The following TLN2 variants were observed in gnomAD, a reference collection of about 807,000 sequenced individuals.
TLN2 encodes the protein talin-2.
A neutral mutation model predicts 294.7 loss-of-function variants in TLN2; 118 were observed. The observed-to-expected ratio is 0.40, with a 90% CI of 0.34 to 0.47. The LOEUF (loss-of-function observed/expected upper bound fraction) is 0.47. TLN2 is among the 20% of genes least tolerant of loss of function. The pLI is 0.84. For synonymous variants in TLN2, 1,431 were observed against 1,304.5 expected, an observed-to-expected ratio of 1.10 and a Z score of -2.09; for missense variants, 3,083 against 3,282.2, an observed-to-expected ratio of 0.94 and a Z score of 1.48.
At chr15:62,534,662 T>G (rs2041236606) in intron 1 of TLN2, among the ~76,000 whole-genome samples, 1 of 152,150 alleles carries the variant, frequency 6.6e-6, no homozygotes, top group Non-Finnish European at 1.5e-5. Context: ...TCCCCTCCTC[T>G]GAGGTTGGGA....
intron 1 of TLN2, among the ~76,000 whole-genome samples, chr15:62,580,845 C>CT (rs2044908114): frequency 1.3e-5 from 1 of 75,806 alleles, no homozygotes; most frequent in Non-Finnish European, 3.4e-5. Flanking sequence ...TTCCTGCCTT[C>CT]GCCCCGCCCC....
intron 11 of TLN2, among the ~76,000 whole-genome samples, chr15:62,678,694 G>T (rs2056497276): frequency 6.6e-6 from 1 of 152,168 alleles, no homozygotes; most frequent in African/African-American, 2.4e-5. Context: ...AGCTAGATGT[G>T]GTGGTGCACA....
At chr15:62,522,941 T>TACACACACACACAC (rs71129007) in intron 1 of TLN2, among the ~76,000 whole-genome samples, 49 of 133,078 alleles carry the variant, frequency 3.7e-4, no homozygotes, top group Admixed American at 1.2e-3. Context: ...GAATGTGGCT[T>TACACACACACACAC]ACACACACAC....
chr15:62,631,756 G>GT (rs2049925359), intron 3 of TLN2, among the ~76,000 whole-genome samples: 3 of 86,714 alleles, frequency 3.5e-5, no homozygotes, highest in East Asian at 4.4e-4. Flanking sequence ...TTTTCTTTTT[G>GT]TTTTTTGGTA....
chr15:62,813,876 A>G (rs1478041619), intron 52 of TLN2, among the ~76,000 whole-genome samples: 2 of 150,976 alleles, frequency 1.3e-5, no homozygotes, highest in African/African-American at 2.4e-5. Context: ...GTGCAATGGC[A>G]TGATCTTGGC....
intron 1 of TLN2, among the ~76,000 whole-genome samples, chr15:62,543,678 C>G (rs1317801204): frequency 1.3e-5 from 2 of 151,370 alleles, no homozygotes; most frequent in African/African-American, 4.9e-5. Context: ...TTGCTTGAAC[C>G]CAGGAGGCGG....
At chr15:62,640,876 A>G (rs1169612190) in intron 3 of TLN2, among the ~76,000 whole-genome samples, 2 of 152,082 alleles carry the variant, frequency 1.3e-5, no homozygotes, top group Admixed American at 1.3e-4. Context: ...ATCTTGGCTC[A>G]CTGCAACCAC....
intron 18 of TLN2, among the ~76,000 whole-genome samples, chr15:62,702,452 G>A (rs1375737137): frequency 1.3e-5 from 2 of 152,164 alleles, no homozygotes; most frequent in Admixed American, 6.5e-5. Flanking sequence ...TAACACACAT[G>A]ACTAATACGC....
intron 2 of TLN2, among the ~76,000 whole-genome samples, chr15:62,598,284 G>A (rs1490373303): frequency 6.6e-6 from 1 of 152,138 alleles, no homozygotes; most frequent in Non-Finnish European, 1.5e-5. Context: ...GTGGTGGTCG[G>A]CTGTGTTTTA....
At chr15:62,686,612 G>A (rs2057314565) in intron 11 of TLN2, 29 bp from the exon 12 acceptor site, 3 of 1,596,760 alleles carry the variant, frequency 1.9e-6, no homozygotes, top group Non-Finnish European at 2.6e-6. Context: ...CAGAAGAAGA[G>A]CACTGACTCT....
intron 1 of TLN2, among the ~76,000 whole-genome samples, chr15:62,575,822 AG>A (rs2044344548): frequency 6.6e-6 from 1 of 152,244 alleles, no homozygotes; most frequent in South Asian, 2.1e-4. Flanking sequence ...AAAGCAAGTG[AG>A]TGGCTATTCT....
rs1224242992 is a variant in TLN2 at position 62,702,765 on chromosome 15, G to A, written c.1906-1G>A. The A allele has an allele frequency of 6.2e-7, 1 of 1,614,118 alleles. No homozygotes were observed. The highest frequency in any genetic ancestry group is 1.1e-5 in the South Asian group (1 of 91,076). ...AATTAAGGTGTGTTGTTTGTTCACA[G>A]CCTCGACAGACAGTTTTGACTGCTG... On this transcript the variant is annotated splice_acceptor_variant, in intron 18 of 58. Transcript: ENST00000636159. LOFTEE classifies it high-confidence loss of function.
At chr15:62,649,012 T>A (rs2052265685) in intron 4 of TLN2, among the ~76,000 whole-genome samples, 1 of 152,094 alleles carries the variant, frequency 6.6e-6, no homozygotes, top group African/African-American at 2.4e-5. Context: ...CACACCCGGC[T>A]AATTTTTGTA....
At chr15:62,641,571 C>T (rs953154609) in intron 3 of TLN2, among the ~76,000 whole-genome samples, 2 of 152,008 alleles carry the variant, frequency 1.3e-5, no homozygotes, top group Non-Finnish European at 2.9e-5. Flanking sequence ...TGCAGTGACC[C>T]GAGATTGCGC....
At chr15:62,523,456 C>G (rs2140478171) in intron 1 of TLN2, among the ~76,000 whole-genome samples, 1 of 152,342 alleles carries the variant, frequency 6.6e-6, no homozygotes, top group East Asian at 1.9e-4. Flanking sequence ...TGTCCTTAGA[C>G]AAGTCCAGGA....
chr15:62,791,639 G>C (rs1019125970), intron 45 of TLN2, among the ~76,000 whole-genome samples: 1 of 152,162 alleles, frequency 6.6e-6, no homozygotes, highest in East Asian at 1.9e-4. Context: ...CACAATACCT[G>C]AGATCTTTTC....
intron 19 of TLN2, among the ~76,000 whole-genome samples, chr15:62,706,280 G>A (rs1348359494): frequency 3.9e-5 from 6 of 152,350 alleles, no homozygotes; most frequent in Non-Finnish European, 8.8e-5. Context: ...TCTTCTTCAG[G>A]TCAGACAGAT....
intron 1 of TLN2, among the ~76,000 whole-genome samples, chr15:62,461,952 C>G (rs1038321263): frequency 3.9e-5 from 6 of 152,182 alleles, no homozygotes; most frequent in African/African-American, 1.2e-4. Context: ...GTACTTTTAA[C>G]TAGGCTGGGC....
chr15:62,660,282 G>T lies in TLN2; in HGVS notation c.788+2384G>T, dbSNP rs1045334308. 2.0e-5 allele frequency among the ~76,000 whole-genome samples: 3 copies of T among 152,146 alleles called. No individual in the cohort carries two copies. The East Asian group carries it at 5.8e-4, about 29-fold the overall frequency. On this transcript the variant is annotated intron_variant, in intron 9 of 58. Coordinates refer to ENST00000636159, the MANE Select transcript of TLN2 (RefSeq NM_015059.3). ...TCTTCAGACTCTCCAGTGATTTCTG[G>T]ATTTGTTACTTTAGTGAAGGTACTC...
Sources: gnomAD v4.1 joint callset for allele counts (sites outside exome capture counted in the v4.1 genomes callset) on GRCh38, gnomAD v4.1.1 for gene constraint, MANE v1.5 for transcripts, NCBI Gene and HGNC (gene_info 2026-07-23, HGNC 2026-07-21) for gene names.